Variants in APP observed in about 807,000 individuals in gnomAD.
APP encodes the protein amyloid-beta precursor protein.
APP carries 31 observed loss-of-function variants against 101.4 expected under a neutral mutation model. The observed-to-expected ratio is 0.31, with a 90% CI of 0.23 to 0.41. The LOEUF (loss-of-function observed/expected upper bound fraction) is 0.41. Ranked by LOEUF, APP falls within the 10% of genes least tolerant of loss-of-function variation. The pLI is 1.00. For missense variants in APP, 839 were observed against 1,003.7 expected, an observed-to-expected ratio of 0.84 and a Z score of 2.22; for synonymous variants, 366 against 364.4, an observed-to-expected ratio of 1.00 and a Z score of -0.05.
chr21:25,972,747 C>A (rs1356836213), intron 11 of APP, among the ~76,000 whole-genome samples: 1 of 151,898 alleles, frequency 6.6e-6, no homozygotes. Context: ...GAAAATGATA[C>A]CAGCTGGATC....
In APP at chr21:26,053,232, G is replaced by A. The variant is rs1193331621; in HGVS notation, c.468+4C>T. 3 of 1,601,812 alleles carry A rather than the reference G, an allele frequency of 1.9e-6. No individual in the cohort carries two copies. The highest frequency in any genetic ancestry group is 1.7e-5 in the Admixed American group (1 of 60,002). ...GCAATAAGAAAGAATTTATGGGCTG[G>A]TACCTCTTTGGCGACGGTGTGCCAG... On this transcript the variant is annotated splice_donor_region_variant and intron_variant, in intron 4 of 17. Transcript: ENST00000346798.
chr21:26,166,871 T>TGA (rs559340452), intron 1 of APP, among the ~76,000 whole-genome samples: 2,605 of 135,220 alleles, frequency 0.019, 37 homozygotes, highest in East Asian at 0.079. Context: ...GTCACTCAAG[T>TGA]GAGAGAGAGA....
intron 5 of APP, among the ~76,000 whole-genome samples, chr21:26,034,842 G>C (rs2045025533): frequency 6.6e-6 from 1 of 152,082 alleles, no homozygotes; most frequent in Admixed American, 6.5e-5. Context: ...AAGGGAAAAA[G>C]ATAAGCTCCC....
Position 25,954,613 on chromosome 21 carries a change from G to A in APP, c.1664C>T (p.Ala555Val), listed in dbSNP as rs886056993. The change falls in exon 13 of 18, where the codon GCC becomes GTC. Residue 555 changes from alanine (A) to valine (V), a missense_variant. Ala to Val is a moderately conservative substitution (Grantham distance 64). Coordinates refer to ENST00000346798, the MANE Select transcript of APP (RefSeq NM_000484.4). The stretch of plus-strand genomic sequence containing the variant: ...ACCAACTTCATCCTGAATCTCCTCG[G>A]CCACTGCAGGCACGTTGTAGAGCAG... ...LSLLYNVPAV[A>V]EEIQDEVDEL... The A allele has an allele frequency of 2.5e-6, 4 of 1,613,936 alleles. No homozygotes were observed. Among genetic ancestry groups the A allele is most frequent in the Non-Finnish European group, 3.4e-6 (4 of 1,179,906 alleles).
chr21:26,162,383 A>G (rs2063510041), intron 1 of APP, among the ~76,000 whole-genome samples: 5 of 151,862 alleles, frequency 3.3e-5, no homozygotes, highest in Admixed American at 3.3e-4. Flanking sequence ...TAGTAGGAGT[A>G]GATATAACAA....
chr21:26,092,196 T>C (rs560223522), intron 2 of APP, among the ~76,000 whole-genome samples: 40 of 152,260 alleles, frequency 2.6e-4, no homozygotes, highest in South Asian at 1.0e-3. Flanking sequence ...ACATTAAAAA[T>C]TCTTAATCTC....
At chr21:26,090,165 G>A (rs1398598054) in intron 2 of APP, 93 bp from the exon 3 acceptor site, 3 of 1,571,028 alleles carry the variant, frequency 1.9e-6, no homozygotes, top group African/African-American at 1.4e-5. Flanking sequence ...GGTACAGGTG[G>A]AGTGTCCCTT....
intron 2 of APP, among the ~76,000 whole-genome samples, chr21:26,097,110 G>A (rs1168536217): frequency 6.6e-6 from 1 of 152,118 alleles, no homozygotes; most frequent in Non-Finnish European, 1.5e-5. Flanking sequence ...CAAAAGCCAA[G>A]AAAAAGGCCC....
Position 26,000,049 on chromosome 21 carries a change from T to C in APP, c.999A>G (p.Thr333=). The change falls in exon 7 of 18, where the codon ACA becomes ACG. Residue 333 remains threonine (T), a synonymous_variant. Coordinates refer to ENST00000346798, the MANE Select transcript of APP (RefSeq NM_000484.4). ...CACACACGGCCATGCAGTACTCTTCTGTGTCAAAGTTGTTCCGGTTGCCGC... is the reference window on the plus strand; with the variant it reads ...CACACACGGCCATGCAGTACTCTTCCGTGTCAAAGTTGTTCCGGTTGCCGC... ...GCGGNRNNFD[T]EEYCMAVCGS... is the part of the protein sequence containing the mutation. 6.2e-7 allele frequency: 1 copy of C among 1,614,134 alleles called. No individual in the cohort carries two copies.
chr21:26,017,056 G>A (rs537618145), intron 6 of APP, among the ~76,000 whole-genome samples: 194 of 151,708 alleles, frequency 1.3e-3, no homozygotes, highest in Admixed American at 3.9e-3. Flanking sequence ...AAAATTAGCC[G>A]GGCATCGTGG....
At chr21:25,893,092 T>G (rs973254584) in intron 16 of APP, among the ~76,000 whole-genome samples, 1 of 152,316 alleles carries the variant, frequency 6.6e-6, no homozygotes. Flanking sequence ...TAAAAATTAT[T>G]ATATCTGTTT....
chr21:26,056,505 G>T (rs1260441865), intron 3 of APP, among the ~76,000 whole-genome samples: 1 of 152,140 alleles, frequency 6.6e-6, no homozygotes, highest in East Asian at 1.9e-4. Context: ...TTGTGTTTAG[G>T]ACAGAGGTTG....
chr21:26,053,493 A>T lies in APP; in HGVS notation c.356-145T>A, dbSNP rs1266052764. The T allele has an allele frequency of 4.6e-6, 3 of 650,848 alleles. No individual in the cohort carries two copies. In the African/African-American group the frequency reaches 5.4e-5, roughly 12 times the overall value. 40.3% of individuals were successfully genotyped at this position (650,848 alleles called of 1,614,324 possible). On this transcript the variant is annotated intron_variant, in intron 3 of 17. Coordinates refer to ENST00000346798, the MANE Select transcript of APP (RefSeq NM_000484.4). ...ACCCAATCAAGACCCTACTACCTTT[A>T]GAATGTTACGTCTGGCCTCCTTAAG...
chr21:25,916,348 A>G (rs963299904), intron 13 of APP, among the ~76,000 whole-genome samples: 7 of 152,190 alleles, frequency 4.6e-5, no homozygotes, highest in Non-Finnish European at 1.0e-4. Flanking sequence ...ATGGATTACC[A>G]TTATCAGAAG....
Position 26,081,427 on chromosome 21 carries a change from G to C in APP, c.355+8516C>G, listed in dbSNP as rs185060906. 1.8e-3 allele frequency among the ~76,000 whole-genome samples: 273 copies of C among 151,152 alleles called. 1 individual carries two copies. The highest frequency in any genetic ancestry group is 3.3e-3 in the Non-Finnish European group (221 of 67,840). On this transcript the variant is annotated intron_variant, in intron 3 of 17. Transcript: ENST00000346798. Reference sequence around the variant, plus strand: ...AGGGGTGGGGGTCACAGGGTGCTCAGTGGGGGAGTTTTTGAGCCAGGATGA... The same window carrying C: ...AGGGGTGGGGGTCACAGGGTGCTCACTGGGGGAGTTTTTGAGCCAGGATGA...
intron 11 of APP, among the ~76,000 whole-genome samples, chr21:25,960,719 T>G (rs111951835): frequency 0.035 from 5,309 of 152,202 alleles, 302 homozygotes; most frequent in African/African-American, 0.12. Flanking sequence ...GATGCGCATT[T>G]TGTGTGCATC....
intron 3 of APP, among the ~76,000 whole-genome samples, chr21:26,086,884 G>A (rs977535330): frequency 2.6e-5 from 4 of 152,138 alleles, no homozygotes; most frequent in African/African-American, 4.8e-5. Flanking sequence ...AAGAGAGCTT[G>A]GACTGTAGTG....
chr21:26,170,505 G>C, intron 1 of APP, 59 bp downstream of exon 1: 4 of 1,502,538 alleles, frequency 2.7e-6, no homozygotes, highest in East Asian at 2.5e-5. Flanking sequence ...TTAAGGTCTT[G>C]GGGGGTATCG....
chr21:26,130,719 C>A (rs1483969416), intron 1 of APP, among the ~76,000 whole-genome samples: 2 of 152,188 alleles, frequency 1.3e-5, no homozygotes, highest in Non-Finnish European at 2.9e-5. Context: ...CTAGATGCGT[C>A]AGGTCTGGAC....
Sources: allele counts gnomAD v4.1 joint callset (sites outside exome capture counted in the v4.1 genomes callset), GRCh38; gene constraint gnomAD v4.1.1; transcripts MANE v1.5; gene names NCBI Gene and HGNC (gene_info 2026-07-23, HGNC 2026-07-21).